Variants in STXBP5L observed in about 807,000 individuals in gnomAD.
STXBP5L encodes syntaxin binding protein 5L.
In STXBP5L, 65 loss-of-function variants were observed where a neutral mutation model predicts 144.5. The observed-to-expected ratio is 0.45, with a 90% CI of 0.37 to 0.55. The LOEUF (loss-of-function observed/expected upper bound fraction) is 0.55, where lower values mean the gene tolerates loss of function less well. Ranked by LOEUF, STXBP5L falls within the 20% of genes least tolerant of loss-of-function variation. The pLI, the probability that STXBP5L is intolerant of heterozygous loss-of-function variation, is 0.00. For synonymous variants in STXBP5L, 505 were observed against 469.6 expected (o/e 1.08, Z -0.97); for missense variants, 1,298 against 1,405.5 (o/e 0.92, Z 1.22).
chr3:121,239,116 A>G lies in STXBP5L; in HGVS notation c.1330A>G (p.Lys444Glu). The change falls in exon 13 of 27, where the codon AAG (lysine) becomes GAG (glutamate). Residue 444 changes from lysine to glutamate, a missense_variant and splice_region_variant. Lys to Glu is a moderately conservative substitution (Grantham distance 56, BLOSUM62 1). Transcript: ENST00000471454. ...VKHKKQGYSN[K>E]EWPISGGAWN... ...GCATAAAAAACAAGGATACAGTAAT[A>G]AGGTAAAAGTAGAAATTATAAATAA... 6.6e-7 allele frequency: 1 copy of G among 1,524,434 alleles called. No homozygotes were observed. Among genetic ancestry groups the G allele is most frequent in the Non-Finnish European group, 8.9e-7 (1 of 1,127,278 alleles). The allele number at this position is 1,524,434 out of a possible 1,614,324, so 94.4% of individuals were successfully genotyped here.
chr3:121,089,695 G>A (rs769992457), intron 5 of STXBP5L, among the ~76,000 whole-genome samples: 7 of 151,152 alleles, frequency 4.6e-5, no homozygotes, highest in Non-Finnish European at 1.0e-4. Flanking sequence ...CTTTCATTCC[G>A]TTATCCTGAT....
chr3:120,978,001 G>A (rs368006607), intron 3 of STXBP5L, among the ~76,000 whole-genome samples: 2 of 152,058 alleles, frequency 1.3e-5, no homozygotes, highest in African/African-American at 4.8e-5. Context: ...TTCAACTTTG[G>A]TGAATATGAC....
chr3:120,968,192 A>G (rs376006919), intron 3 of STXBP5L, among the ~76,000 whole-genome samples: 2 of 152,164 alleles, frequency 1.3e-5, no homozygotes, highest in East Asian at 3.8e-4. Context: ...AATGCTGAAC[A>G]TGGAGTGCTG....
chr3:121,052,314 A>G (rs576047361), intron 5 of STXBP5L, among the ~76,000 whole-genome samples: 1 of 152,276 alleles, frequency 6.6e-6, no homozygotes, highest in Admixed American at 6.5e-5. Flanking sequence ...TAAGACCAAT[A>G]TCCCTGATGA....
intron 5 of STXBP5L, among the ~76,000 whole-genome samples, chr3:121,095,579 G>A (rs554609673): frequency 2.6e-4 from 40 of 152,080 alleles, no homozygotes; most frequent in Middle Eastern, 3.4e-3. Context: ...TGATCGAATC[G>A]GCTACTGAAG....
chr3:121,381,008 C>A (rs981613716), intron 21 of STXBP5L, among the ~76,000 whole-genome samples: 1 of 152,050 alleles, frequency 6.6e-6, no homozygotes, highest in African/African-American at 2.4e-5. Flanking sequence ...AAAAGAATTT[C>A]AACAAACTTG....
intron 11 of STXBP5L, among the ~76,000 whole-genome samples, chr3:121,232,816 C>T (rs138558978): frequency 7.2e-5 from 11 of 152,206 alleles, no homozygotes; most frequent in East Asian, 1.9e-4. Flanking sequence ...ATAGTCAGCG[C>T]GTAATAAGTC....
At chr3:121,141,744 C>G (rs560950145) in intron 7 of STXBP5L, among the ~76,000 whole-genome samples, 14 of 151,878 alleles carry the variant, frequency 9.2e-5, no homozygotes, top group African/African-American at 3.4e-4. Context: ...CTAAGGTAAC[C>G]ACACACACAA....
In STXBP5L at chr3:121,140,097, AAT is replaced by A. The variant is rs1278289500; in HGVS notation, c.670-12379_670-12378del. ...ATTAAGTGTAATTCCTCAAACTATG[AAT>A]GACAAGAGACATTTTTCAAAAGAAG... On this transcript the variant is annotated intron_variant, in intron 7 of 26. Transcript: ENST00000471454. 2.0e-5 allele frequency among the ~76,000 whole-genome samples: 3 copies of A among 152,024 alleles called. No individual in the cohort carries two copies. The East Asian group carries it at 5.8e-4, about 29-fold the overall frequency.
At chr3:120,970,179 G>A (rs1460822463) in intron 3 of STXBP5L, among the ~76,000 whole-genome samples, 1 of 151,956 alleles carries the variant, frequency 6.6e-6, no homozygotes, top group Non-Finnish European at 1.5e-5. Context: ...GATTTTAATA[G>A]GTTTTTGTCT....
At chr3:121,290,086 A>T (rs1243106813) in intron 19 of STXBP5L, among the ~76,000 whole-genome samples, 1 of 152,194 alleles carries the variant, frequency 6.6e-6, no homozygotes, top group Non-Finnish European at 1.5e-5. Context: ...GAAACAAACA[A>T]AAAATACAAA....
At chr3:121,297,481 T>A (rs901070511) in intron 19 of STXBP5L, among the ~76,000 whole-genome samples, 1 of 152,088 alleles carries the variant, frequency 6.6e-6, no homozygotes, top group African/African-American at 2.4e-5. Context: ...AGGCTGGGCA[T>A]GGTGGCTCAC....
intron 3 of STXBP5L, among the ~76,000 whole-genome samples, chr3:121,001,779 T>C (rs973456697): frequency 6.6e-6 from 1 of 152,202 alleles, no homozygotes; most frequent in Non-Finnish European, 1.5e-5. Context: ...GTCCATTCAC[T>C]CTCAAAGCCT....
chr3:121,360,186 T>C (rs1324944961), intron 20 of STXBP5L, among the ~76,000 whole-genome samples: 2 of 151,050 alleles, frequency 1.3e-5, no homozygotes, highest in African/African-American at 4.8e-5. Context: ...GTTTTTATCT[T>C]GAAATCTATT....
intron 19 of STXBP5L, among the ~76,000 whole-genome samples, chr3:121,313,094 C>G (rs1267401597): frequency 2.8e-5 from 4 of 144,060 alleles, no homozygotes; most frequent in Non-Finnish European, 6.1e-5. Context: ...GGGGGGCTGA[C>G]CCCCCCACCA....
At chr3:121,267,670 G>A (rs1160193605) in intron 18 of STXBP5L, among the ~76,000 whole-genome samples, 1 of 152,000 alleles carries the variant, frequency 6.6e-6, no homozygotes, top group East Asian at 1.9e-4. Flanking sequence ...ATCTGACAAA[G>A]GTCTAATATC....
At chr3:121,255,767 A>C (rs2050189160) in intron 16 of STXBP5L, among the ~76,000 whole-genome samples, 1 of 152,026 alleles carries the variant, frequency 6.6e-6, no homozygotes, top group Non-Finnish European at 1.5e-5. Flanking sequence ...CCTAATCTTA[A>C]TTTTTAAATC....
At chr3:121,016,829 G>A (rs1467268641) in intron 3 of STXBP5L, among the ~76,000 whole-genome samples, 1 of 152,154 alleles carries the variant, frequency 6.6e-6, no homozygotes, top group Admixed American at 6.5e-5. Context: ...AGGCCCACAT[G>A]TGTTTACTGG....
intron 3 of STXBP5L, among the ~76,000 whole-genome samples, chr3:120,992,238 G>A (rs535040772): frequency 6.6e-6 from 1 of 152,176 alleles, no homozygotes; most frequent in East Asian, 1.9e-4. Context: ...AATGTGTAGT[G>A]ATCAACTCAG....
Sources: allele counts gnomAD v4.1 joint callset (sites outside exome capture counted in the v4.1 genomes callset), GRCh38; gene constraint gnomAD v4.1.1; transcripts MANE v1.5; gene names NCBI Gene and HGNC (gene_info 2026-07-23, HGNC 2026-07-21).